MARF1: variants seen among roughly 807,000 people sequenced by gnomAD.
MARF1 encodes limkain-b1.
In MARF1, 24 loss-of-function variants were observed where a neutral mutation model predicts 168.2. That is an observed-to-expected ratio of 0.14 (90% CI 0.10 to 0.20). The LOEUF (loss-of-function observed/expected upper bound fraction) is 0.20, where lower values mean the gene tolerates loss of function less well. Ranked by LOEUF, MARF1 falls within the 10% of genes least tolerant of loss-of-function variation. MARF1 has a pLI of 1.00. For synonymous variants in MARF1, 868 were observed against 822.4 expected (o/e 1.06, Z -0.95); for missense variants, 1,744 against 2,143.6 (o/e 0.81, Z 3.68).
Position 15,619,760 on chromosome 16 carries a change from C to A in MARF1, c.2720+691G>T, listed in dbSNP as rs565725366. ...GCCTTGGTCTTGTACTCACTAGTCC[C>A]TGCTAAGCATCTACTATGGGCTGGG... is the stretch of plus-strand genomic sequence containing the variant. On this transcript the variant is annotated intron_variant, in intron 13 of 26. Transcript: ENST00000396368. 3.3e-5 allele frequency among the ~76,000 whole-genome samples: 5 copies of A among 152,300 alleles called. No homozygotes were observed. The South Asian group carries it at 1.0e-3, about 32-fold the overall frequency.
rs1184836615 is a variant in MARF1, at chr16:15,594,856, G to A, written c.*1837C>T. On this transcript the variant is annotated 3_prime_UTR_variant, in exon 27 of 27. Coordinates refer to ENST00000396368, the MANE Select transcript of MARF1 (RefSeq NM_014647.4). ...TCAGACACACTCACGGGACAGCACA[G>A]AACTTGATTCTTCTTTGTCTGTTGC... 6.6e-6 allele frequency: 1 copy of A among 152,570 alleles called. No homozygotes were observed. The allele number at this position is 152,570 out of a possible 1,614,324, so 9.5% of individuals were successfully genotyped here. A position where few individuals can be genotyped will look rare whatever the true frequency, so the allele number is the denominator to read the frequency against.
intron 7 of MARF1, among the ~76,000 whole-genome samples, chr16:15,626,961 G>GAAAAA (rs71134441): frequency 4.3e-5 from 5 of 116,222 alleles, no homozygotes; most frequent in Non-Finnish European, 8.6e-5. Context: ...GAGATTCTGT[G>GAAAAA]AAAAAAAAAA....
intron 25 of MARF1, among the ~76,000 whole-genome samples, chr16:15,599,510 C>T (rs765816800): frequency 1.4e-4 from 22 of 152,166 alleles, no homozygotes; most frequent in South Asian, 2.1e-4. Context: ...GGGGCAGCTT[C>T]GGCAGATGAT....
chr16:15,621,321 T>C lies in MARF1; in HGVS notation c.2639+412A>G, dbSNP rs546791572. On this transcript the variant is annotated intron_variant, in intron 12 of 26. Coordinates refer to ENST00000396368, the MANE Select transcript of MARF1 (RefSeq NM_014647.4). Reference sequence around the variant, plus strand: ...CTTAAGGTAGACTTATGGGGCTGAGTATCTATTTGACACTAAGGATATATC... The same window carrying C: ...CTTAAGGTAGACTTATGGGGCTGAGCATCTATTTGACACTAAGGATATATC... 2.1e-3 allele frequency among the ~76,000 whole-genome samples: 325 copies of C among 152,322 alleles called. 3 individuals carry two copies. Among genetic ancestry groups the C allele is most frequent in the African/African-American group, 7.5e-3 (313 of 41,560 alleles).
chr16:15,635,062 C>G (rs2035493592), intron 3 of MARF1, 131 bp from the exon 4 acceptor site: 1 of 689,458 alleles, frequency 1.5e-6, no homozygotes, highest in Non-Finnish European at 2.4e-6. Context: ...ATAAAAAGGA[C>G]TTTCAAATAA....
intron 10 of MARF1, 87 bp downstream of exon 10, chr16:15,624,682 T>C (rs2034711379): frequency 3.9e-6 from 5 of 1,277,836 alleles, no homozygotes; most frequent in East Asian, 2.3e-5. Context: ...ATTTCAGTAC[T>C]ATCTGAATTC....
rs371965441 is a variant in MARF1, at chr16:15,636,057, T to C, written c.430A>G (p.Ile144Val). 7.1e-5 allele frequency: 114 copies of C among 1,614,130 alleles called. 1 individual carries two copies. In the Middle Eastern group the frequency reaches 1.6e-3, roughly 23 times the overall value. ...ALLDSQSTRTITCQVGSGFAF... is the reference protein window; with the variant it reads ...ALLDSQSTRTVTCQVGSGFAF... ...AACCCTGACCCTACCTGACACGTGA[T>C]TGTCCTGGTGCTTTGCGAGTCTAAC... Residue 144 changes from isoleucine to valine, a missense_variant, in exon 3 of 27, where the codon ATC becomes GTC. Transcript: ENST00000396368.
intron 7 of MARF1, among the ~76,000 whole-genome samples, chr16:15,626,779 G>A (rs2034876394): frequency 6.6e-6 from 1 of 151,968 alleles, no homozygotes; most frequent in Non-Finnish European, 1.5e-5. Flanking sequence ...GACCAACATG[G>A]TGAAACCCCA....
intron 16 of MARF1, among the ~76,000 whole-genome samples, chr16:15,615,142 G>A (rs562373754): frequency 6.6e-6 from 1 of 152,278 alleles, no homozygotes; most frequent in South Asian, 2.1e-4. Context: ...AAATTAGGTT[G>A]CTAAAAGGAT....
At chr16:15,599,100 G>C in intron 25 of MARF1, 76 bp from the exon 26 acceptor site, 1 of 1,157,320 alleles carries the variant, frequency 8.6e-7, no homozygotes, top group South Asian at 1.2e-5. Flanking sequence ...GCTCACACCT[G>C]AAGTTTTCCT....
At chr16:15,626,063 T>G (rs577668474) in intron 7 of MARF1, among the ~76,000 whole-genome samples, 2 of 152,276 alleles carry the variant, frequency 1.3e-5, no homozygotes, top group South Asian at 2.1e-4. Context: ...CCCAGGAAGA[T>G]TGAGGCTGGA....
intron 1 of MARF1, among the ~76,000 whole-genome samples, chr16:15,640,540 C>CA (rs1221311958): frequency 6.6e-6 from 1 of 151,960 alleles, no homozygotes; most frequent in Non-Finnish European, 1.5e-5. Context: ...CCCATGGCTA[C>CA]AAAAAATTAG....
intron 25 of MARF1, chr16:15,599,297 G>C: frequency 4.2e-6 from 2 of 471,140 alleles, no homozygotes; most frequent in Admixed American, 7.0e-5. Flanking sequence ...CAGAGAAAAG[G>C]GTCCTGCAGT....
chr16:15,596,831 G>A lies in MARF1; in HGVS notation c.5091C>T (p.Pro1697=), dbSNP rs528300091. 93 of 1,614,144 alleles carry A rather than the reference G, an allele frequency of 5.8e-5. No individual in the cohort carries two copies. In the South Asian group the frequency reaches 8.3e-4, roughly 14 times the overall value. ...SSSSCISAAV[P]VPPCPSSETS... ...TTTCCGAGGAGGGGCAGGGAGGCAC[G>A]GGGACAGCTGCTGAGATGCAGGACG... The change falls in exon 27 of 27, where the codon CCC becomes CCT. Residue 1697 remains proline, a synonymous_variant. Transcript: ENST00000396368.
chr16:15,623,122 T>A lies in MARF1; in HGVS notation c.2272A>T (p.Ser758Cys). The change falls in exon 11 of 27, where the codon AGT becomes TGT. Residue 758 changes from serine to cysteine, a missense_variant and splice_region_variant. Coordinates refer to ENST00000396368, the MANE Select transcript of MARF1 (RefSeq NM_014647.4). ...CTGTTTAAAAGGTTTGGAGACATAC[T>A]CCTGCTTAAAACACACATATTGACA... ...LLASQSWSSRSMSPNLLNRAS... is the reference protein window; with the variant it reads ...LLASQSWSSRCMSPNLLNRAS... The A allele has an allele frequency of 6.3e-7, 1 of 1,581,140 alleles. No individual in the cohort carries two copies. Among genetic ancestry groups the A allele is most frequent in the Non-Finnish European group, 8.7e-7 (1 of 1,155,006 alleles).
At chr16:15,638,987 T>TACAGAAAAAAAATACA in intron 2 of MARF1, 103 bp downstream of exon 2, 1 of 1,156,572 alleles carries the variant, frequency 8.6e-7, no homozygotes, top group Non-Finnish European at 1.2e-6. Context: ...CAGAAAAATG[T>TACAGAAAAAAAATACA]GGCACAGACT....
At chr16:15,616,106 A>G (rs1415711765) in intron 15 of MARF1, 101 bp from the exon 16 acceptor site, 1 of 999,066 alleles carries the variant, frequency 1.0e-6, no homozygotes, top group Non-Finnish European at 1.4e-6. Context: ...GTATGTGTTA[A>G]TCATTTGTCT....
At chr16:15,620,387 G>C (rs1383434678) in intron 13 of MARF1, 64 bp downstream of exon 13, 1 of 937,170 alleles carries the variant, frequency 1.1e-6, no homozygotes, top group Non-Finnish European at 1.7e-6. Flanking sequence ...TCATTACCAT[G>C]GTTTTGTGCA....
intron 18 of MARF1, 81 bp downstream of exon 18, chr16:15,611,511 C>T (rs2033559548): frequency 3.2e-6 from 3 of 930,964 alleles, no homozygotes; most frequent in South Asian, 1.8e-5. Flanking sequence ...AATAGAAATA[C>T]TAGATAACTA....
Sources: allele counts gnomAD v4.1 joint callset (sites outside exome capture counted in the v4.1 genomes callset), GRCh38; gene constraint gnomAD v4.1.1; transcripts MANE v1.5; gene names NCBI Gene and HGNC (gene_info 2026-07-23, HGNC 2026-07-21).